Variants in B3GALT1 observed in about 807,000 individuals in gnomAD.
B3GALT1 encodes the protein beta-1,3-galactosyltransferase 1.
In B3GALT1, 10 loss-of-function variants were observed where a neutral mutation model predicts 23.2. The observed-to-expected ratio is 0.43, with a 90% confidence interval of 0.27 to 0.73. The LOEUF (loss-of-function observed/expected upper bound fraction) is 0.73, where lower values mean the gene tolerates loss of function less well. Ranked by LOEUF, B3GALT1 falls within the 30% of genes least tolerant of loss-of-function variation. B3GALT1 has a pLI of 0.21. For synonymous variants in B3GALT1, 156 were observed against 141.5 expected, an observed-to-expected ratio of 1.10 and a Z score of -0.73; for missense variants, 299 against 405.4, an observed-to-expected ratio of 0.74 and a Z score of 2.25.
chr2:167,575,470 A>G (rs1231440384), intron 2 of B3GALT1, among the ~76,000 whole-genome samples: 2 of 151,800 alleles, frequency 1.3e-5, no homozygotes, highest in Non-Finnish European at 3.0e-5. Context: ...TCATCAAGAC[A>G]TGGTTGAGTA....
At chr2:167,762,128 A>C (rs969595829) in intron 3 of B3GALT1, among the ~76,000 whole-genome samples, 1 of 152,226 alleles carries the variant, frequency 6.6e-6, no homozygotes, top group African/African-American at 2.4e-5. Flanking sequence ...GCCATTTAGC[A>C]AGTAATTAAA....
intron 2 of B3GALT1, among the ~76,000 whole-genome samples, chr2:167,639,409 A>C (rs1005234143): frequency 1.1e-4 from 16 of 152,004 alleles, no homozygotes; most frequent in Non-Finnish European, 2.1e-4. Flanking sequence ...AGCTTACAGA[A>C]GTCATTTATT....
At chr2:167,395,625 T>A (rs560165427) in intron 1 of B3GALT1, among the ~76,000 whole-genome samples, 1 of 152,218 alleles carries the variant, frequency 6.6e-6, no homozygotes, top group Admixed American at 6.5e-5. Context: ...TTTAAGCTAC[T>A]AAGTGTGGGT....
intron 2 of B3GALT1, among the ~76,000 whole-genome samples, chr2:167,599,399 C>G (rs1294836404): frequency 6.6e-6 from 1 of 152,064 alleles, no homozygotes; most frequent in Non-Finnish European, 1.5e-5. Flanking sequence ...AATCCAAAAA[C>G]AGATCACATT....
At position 167,803,549 on chromosome 2, in the gene B3GALT1, A is replaced by G. The variant is rs369303640; in HGVS notation, c.-351-15123A>G. Among the ~76,000 whole-genome samples, 3 of 152,282 alleles carry G rather than the reference A, an allele frequency of 2.0e-5. No homozygotes were observed. In the East Asian group the frequency reaches 5.8e-4, roughly 29 times the overall value. ...ATTCTGGATGATTTAAGGCATCTGCAGTCTTCCAGGTAAGGAAGAGGAGAA... is the reference window on the plus strand; with the variant it reads ...ATTCTGGATGATTTAAGGCATCTGCGGTCTTCCAGGTAAGGAAGAGGAGAA... On this transcript the variant is annotated intron_variant, in intron 3 of 4. Coordinates refer to ENST00000392690, the MANE Select transcript of B3GALT1 (RefSeq NM_020981.4).
At position 167,324,564 on chromosome 2, in the gene B3GALT1, T is replaced by C. The variant is rs78695389; in HGVS notation, c.-511+31230T>C. Reference sequence around the variant, plus strand: ...GTGGTAGGTTTTAATTTACTCATACTTGAGGCTTTTTAATGTTAAATTTTT... The same window carrying C: ...GTGGTAGGTTTTAATTTACTCATACCTGAGGCTTTTTAATGTTAAATTTTT... On this transcript the variant is annotated intron_variant, in intron 1 of 4. Coordinates refer to ENST00000392690, the MANE Select transcript of B3GALT1 (RefSeq NM_020981.4). Among the ~76,000 whole-genome samples, 481 of 152,230 alleles carry C rather than the reference T, an allele frequency of 3.2e-3. 21 individuals are homozygous for C. In the East Asian group the frequency reaches 0.065, roughly 20 times the overall value.
rs1447687014 is a variant in B3GALT1, at chr2:167,797,704, TG to T, written c.-351-20967del. ...ATGAGATGTATCTCATTGTGGATTT[TG>T]TTTTGTTTTGTTTTGTTTTTTGAGA... On this transcript the variant is annotated intron_variant, in intron 3 of 4. Transcript: ENST00000392690. Among the ~76,000 whole-genome samples the T allele has an allele frequency of 1.5e-3, 209 of 144,010 alleles. 4 individuals are homozygous for T. The highest frequency in any genetic ancestry group is 5.1e-3 in the African/African-American group (198 of 39,032). The allele number at this position is 144,010 out of a possible 152,430, so 94.5% of individuals were successfully genotyped here.
chr2:167,514,632 A>G (rs1700075319), intron 2 of B3GALT1, among the ~76,000 whole-genome samples: 1 of 152,212 alleles, frequency 6.6e-6, no homozygotes, highest in Admixed American at 6.5e-5. Context: ...GTGATTCTAT[A>G]TACTAAAGTT....
In B3GALT1 at chr2:167,310,028, A is replaced by G. The variant is rs566498373; in HGVS notation, c.-511+16694A>G. On this transcript the variant is annotated intron_variant, in intron 1 of 4. Coordinates refer to ENST00000392690, the MANE Select transcript of B3GALT1 (RefSeq NM_020981.4). ...ATTTTCTGAGTAGAGATAACAAGCA[A>G]ACTGTTTTCATTTATCAAGTTACAA... Among the ~76,000 whole-genome samples the G allele has an allele frequency of 3.3e-5, 5 of 152,246 alleles. No individual in the cohort carries two copies. In the South Asian group the frequency reaches 1.0e-3, roughly 32 times the overall value.
intron 2 of B3GALT1, among the ~76,000 whole-genome samples, chr2:167,601,362 A>G (rs995070456): frequency 3.3e-5 from 5 of 152,168 alleles, no homozygotes; most frequent in Admixed American, 2.6e-4. Flanking sequence ...CCTCCTTTAG[A>G]GTTGGTTCTC....
chr2:167,318,488 G>T (rs2105491168), intron 1 of B3GALT1, among the ~76,000 whole-genome samples: 1 of 151,886 alleles, frequency 6.6e-6, no homozygotes, highest in Admixed American at 6.5e-5. Context: ...ACTTTCTGCA[G>T]TCAGGCTCTT....
chr2:167,299,026 G>A (rs1438318199), intron 1 of B3GALT1, among the ~76,000 whole-genome samples: 1 of 152,148 alleles, frequency 6.6e-6, no homozygotes, highest in Non-Finnish European at 1.5e-5. Context: ...ACCTTCCACA[G>A]GGGTTTGAAG....
chr2:167,336,799 A>G (rs1441066548), intron 1 of B3GALT1, among the ~76,000 whole-genome samples: 2 of 152,142 alleles, frequency 1.3e-5, no homozygotes, highest in African/African-American at 4.8e-5. Context: ...TAGTTGGCCT[A>G]TAATAACTTT....
At chr2:167,420,815 G>A (rs1698535770) in intron 1 of B3GALT1, among the ~76,000 whole-genome samples, 1 of 152,116 alleles carries the variant, frequency 6.6e-6, no homozygotes, top group Non-Finnish European at 1.5e-5. Flanking sequence ...ACTTTGTTAA[G>A]GTCTACCTTC....
intron 3 of B3GALT1, among the ~76,000 whole-genome samples, chr2:167,777,130 G>A (rs1688174959): frequency 6.6e-6 from 1 of 152,032 alleles, no homozygotes; most frequent in African/African-American, 2.4e-5. Flanking sequence ...TGACTTTCTT[G>A]CAACTAAAAA....
chr2:167,552,760 C>A (rs988506529), intron 2 of B3GALT1, among the ~76,000 whole-genome samples: 3 of 152,164 alleles, frequency 2.0e-5, no homozygotes, highest in Non-Finnish European at 2.9e-5. Flanking sequence ...TACTAGTGAG[C>A]TTTTCCTGAA....
chr2:167,653,007 A>G (rs1402855396), intron 3 of B3GALT1, among the ~76,000 whole-genome samples: 1 of 152,140 alleles, frequency 6.6e-6, no homozygotes, highest in African/African-American at 2.4e-5. Context: ...CACCTCACCT[A>G]TTAATACCTG....
At chr2:167,725,937 ATAT>A (rs1431736380) in intron 3 of B3GALT1, among the ~76,000 whole-genome samples, 1 of 152,220 alleles carries the variant, frequency 6.6e-6, no homozygotes, top group Non-Finnish European at 1.5e-5. Flanking sequence ...TTCTGTGCAG[ATAT>A]TATGCCACTG....
chr2:167,763,017 C>T (rs910662887), intron 3 of B3GALT1, among the ~76,000 whole-genome samples: 2 of 152,052 alleles, frequency 1.3e-5, no homozygotes, highest in East Asian at 1.9e-4. Flanking sequence ...AGGAAAAGTA[C>T]GTCTATTTGA....
Sources: gnomAD v4.1 joint callset for allele counts (sites outside exome capture counted in the v4.1 genomes callset) on GRCh38, gnomAD v4.1.1 for gene constraint, MANE v1.5 for transcripts, NCBI Gene and HGNC (gene_info 2026-07-23, HGNC 2026-07-21) for gene names.